ANK3: variants seen among roughly 807,000 people sequenced by gnomAD.
ANK3 encodes ankyrin-3.
A neutral mutation model predicts 370.9 loss-of-function variants in ANK3; 57 were observed. That is an observed-to-expected ratio of 0.15 (90% CI 0.12 to 0.19). The LOEUF is 0.19. Among genes scored for constraint, ANK3 ranks in the 10% least tolerant of loss-of-function variants. The pLI is 1.00. For missense variants in ANK3, 4,439 were observed against 5,302.1 expected (o/e 0.84, Z 5.06); for synonymous variants, 1,929 against 1,946.3 (o/e 0.99, Z 0.23).
rs536632015 is a variant in ANK3 at position 60,138,783 on chromosome 10, A to T, written c.2738+181T>A. The T allele has an allele frequency of 7.9e-6, 6 of 755,926 alleles. No homozygotes were observed. In the African/African-American group the frequency reaches 1.1e-4, roughly 13 times the overall value. 46.8% of individuals were successfully genotyped at this position (755,926 alleles called of 1,614,324 possible). ...ACATGTTCAATCACATGAAATTAAC[A>T]ACCGCAAACCACAAAAGAAAATAGC... On this transcript the variant is annotated intron_variant, in intron 24 of 43. Coordinates refer to ENST00000280772, the MANE Select transcript of ANK3 (RefSeq NM_020987.5).
At chr10:60,697,453 C>T (rs990923876) in intron 1 of ANK3, among the ~76,000 whole-genome samples, 128 of 151,020 alleles carry the variant, frequency 8.5e-4, no homozygotes, top group African/African-American at 2.9e-3. Flanking sequence ...CAAGTCAATC[C>T]TAAGCCAAAA....
chr10:60,099,958 G>A (rs182600918), intron 28 of ANK3, among the ~76,000 whole-genome samples: 33 of 151,760 alleles, frequency 2.2e-4, no homozygotes, highest in Non-Finnish European at 3.5e-4. Context: ...GGGGGTGGGG[G>A]GCAGGATGGC....
chr10:60,477,520 C>CAT (rs2075102454), intron 2 of ANK3, among the ~76,000 whole-genome samples: 1 of 109,434 alleles, frequency 9.1e-6, no homozygotes, highest in African/African-American at 3.8e-5. Flanking sequence ...CAGACATACA[C>CAT]ACACACACAC....
At chr10:60,312,754 T>A (rs1027683581) in intron 1 of ANK3, among the ~76,000 whole-genome samples, 4 of 152,246 alleles carry the variant, frequency 2.6e-5, no homozygotes, top group Non-Finnish European at 4.4e-5. Flanking sequence ...AAAGAGATTT[T>A]ATGAGTTCAG....
rs544225876 is a variant in ANK3, at chr10:60,129,151, T to G, written c.2841+5120A>C. Among the ~76,000 whole-genome samples the G allele has an allele frequency of 7.9e-5, 12 of 152,330 alleles. No individual in the cohort carries two copies. In the East Asian group the frequency reaches 1.9e-3, roughly 24 times the overall value. ...GCTTATAAAACAAATACATTAGATG[T>G]TGACATACCAATACACACCAAGCTT... On this transcript the variant is annotated intron_variant, in intron 25 of 43. Transcript: ENST00000280772.
At chr10:60,696,582 G>C (rs2079454870) in intron 1 of ANK3, among the ~76,000 whole-genome samples, 1 of 149,212 alleles carries the variant, frequency 6.7e-6, no homozygotes. Context: ...TCCCTGGGAT[G>C]CAAGGCTGGT....
Position 60,336,090 on chromosome 10 carries a change from C to CGGG in ANK3, c.114+53332_114+53334dup, listed in dbSNP as rs112016027. Among the ~76,000 whole-genome samples the CGGG allele has an allele frequency of 3.8e-3, 562 of 148,646 alleles. 5 individuals are homozygous for CGGG. The highest frequency in any genetic ancestry group is 0.013 in the African/African-American group (519 of 39,252). On this transcript the variant is annotated intron_variant, in intron 1 of 43. Transcript: ENST00000280772. ...TGAGAGGATTTTTAACATAGTTTGG[C>CGGG]GGGGGGGGGAAGCTGGTGCCAAGGA...
chr10:60,623,030 T>C (rs2078359281), intron 1 of ANK3, among the ~76,000 whole-genome samples: 1 of 152,198 alleles, frequency 6.6e-6, no homozygotes, highest in Non-Finnish European at 1.5e-5. Flanking sequence ...AAACTATTCA[T>C]TTGGCTTTAA....
intron 2 of ANK3, among the ~76,000 whole-genome samples, chr10:60,421,752 G>A (rs1301347275): frequency 6.6e-6 from 1 of 152,040 alleles, no homozygotes; most frequent in Non-Finnish European, 1.5e-5. Context: ...CAAGTGTGTA[G>A]TTAAAATCCA....
intron 1 of ANK3, among the ~76,000 whole-genome samples, chr10:60,339,440 T>A (rs771482685): frequency 6.6e-6 from 1 of 152,142 alleles, no homozygotes. Context: ...TCCTCTCATA[T>A]GGTCTCTGAA....
At chr10:60,681,906 A>G (rs2079200801) in intron 1 of ANK3, among the ~76,000 whole-genome samples, 1 of 152,162 alleles carries the variant, frequency 6.6e-6, no homozygotes. Context: ...AATCCCAGAG[A>G]CTTTGGACAC....
At chr10:60,096,327 G>T (rs748841403) in intron 28 of ANK3, among the ~76,000 whole-genome samples, 11 of 152,016 alleles carry the variant, frequency 7.2e-5, no homozygotes, top group Non-Finnish European at 1.5e-4. Flanking sequence ...TTTAAAAACG[G>T]TCCTTACTAA....
In ANK3 at chr10:60,063,251, T is replaced by C. The variant is rs1348812188; in HGVS notation, c.12455A>G (p.Asp4152Gly). The part of the protein sequence containing the change: ...VTRDGKNATT[D>G]ALTSVLTKIN... Reference sequence around the variant, plus strand: ...TTTTGTCAAGACCGAAGTTAAGGCATCAGCTGAAAAGGAGAAAAAAAGGTT... The same window carrying C: ...TTTTGTCAAGACCGAAGTTAAGGCACCAGCTGAAAAGGAGAAAAAAAGGTT... Residue 4152 changes from aspartate (D) to glycine (G), a missense_variant, in exon 40 of 44, where the codon GAT becomes GGT. By Grantham distance (94) the Asp-to-Gly change is moderately conservative (BLOSUM62 -1). Transcript: ENST00000280772. 4 of 1,607,058 alleles carry C rather than the reference T, an allele frequency of 2.5e-6. No homozygotes were observed. The highest frequency in any genetic ancestry group is 2.2e-5 in the South Asian group (2 of 89,134).
chr10:60,476,336 A>G (rs1046325839), intron 2 of ANK3, among the ~76,000 whole-genome samples: 16 of 152,172 alleles, frequency 1.1e-4, no homozygotes, highest in African/African-American at 3.9e-4. Flanking sequence ...TGACTTGATG[A>G]TGTAAATTGT....
intron 17 of ANK3, 120 bp downstream of exon 17, chr10:60,186,595 G>T: frequency 1.8e-6 from 2 of 1,086,926 alleles, no homozygotes; most frequent in Non-Finnish European, 2.7e-6. Context: ...TAAACAACTT[G>T]GTGCAATATT....
chr10:60,590,308 A>T lies in ANK3; in HGVS notation c.96+24878T>A, dbSNP rs572036038. Among the ~76,000 whole-genome samples, 12 of 152,332 alleles carry T rather than the reference A, an allele frequency of 7.9e-5. No homozygotes were observed. The East Asian group carries it at 2.3e-3, about 29-fold the overall frequency. ...AAGACTCAGTATGGAAAAACATGTAAAATATCTCTTCAATAATTACTTATA... is the reference window on the plus strand; with the variant it reads ...AAGACTCAGTATGGAAAAACATGTATAATATCTCTTCAATAATTACTTATA... On this transcript the variant is annotated intron_variant, in intron 2 of 43. Coordinates refer to the ANK3 transcript ENST00000373827.
chr10:60,597,058 G>C (rs897428380), intron 2 of ANK3, among the ~76,000 whole-genome samples: 3 of 152,150 alleles, frequency 2.0e-5, no homozygotes, highest in Admixed American at 2.0e-4. Context: ...TTATTTTAAT[G>C]TATTCCTTAA....
chr10:60,443,764 C>T (rs1253748476), intron 2 of ANK3, among the ~76,000 whole-genome samples: 1 of 152,068 alleles, frequency 6.6e-6, no homozygotes, highest in Non-Finnish European at 1.5e-5. Flanking sequence ...TCACAAAAGC[C>T]CTGCTTAGTT....
intron 1 of ANK3, among the ~76,000 whole-genome samples, chr10:60,349,509 TTTTTTTTAAA>T (rs2056433926): frequency 6.6e-6 from 1 of 151,184 alleles, no homozygotes; most frequent in South Asian, 2.1e-4. Context: ...AGAACCACAT[TTTTTTTTAAA>T]CATGAAAAAC....
Sources: gnomAD v4.1 joint callset for allele counts (sites outside exome capture counted in the v4.1 genomes callset) on GRCh38, gnomAD v4.1.1 for gene constraint, MANE v1.5 for transcripts, NCBI Gene and HGNC (gene_info 2026-07-23, HGNC 2026-07-21) for gene names.